ZFR: variants seen among roughly 807,000 people sequenced by gnomAD.
ZFR encodes the protein zinc finger RNA binding protein.
In ZFR, 19 loss-of-function variants were observed where a neutral mutation model predicts 130.7. The observed-to-expected ratio is 0.15, with a 90% CI of 0.10 to 0.21. ZFR has a LOEUF of 0.21. Ranked by LOEUF, ZFR falls within the 10% of genes least tolerant of loss-of-function variation. The pLI, the probability that ZFR is intolerant of heterozygous loss-of-function variation, is 1.00. For missense variants in ZFR, 872 were observed against 1,321.5 expected, an observed-to-expected ratio of 0.66 and a Z score of 5.27; for synonymous variants, 466 against 456.9, an observed-to-expected ratio of 1.02 and a Z score of -0.25.
At position 32,355,756 on chromosome 5, in the gene ZFR, C is replaced by A. The variant is rs1390365561; in HGVS notation, c.*4G>T. 4 of 1,571,472 alleles carry A rather than the reference C, an allele frequency of 2.5e-6. No individual in the cohort carries two copies. In the South Asian group the frequency reaches 3.6e-5, roughly 14 times the overall value. ...TTTTAACACTGAAGATTTACAGACA[C>A]TTTTTAAAAGTTATCATAATCTTTT... On this transcript the variant is annotated 3_prime_UTR_variant, in exon 20 of 20. Transcript: ENST00000265069.
chr5:32,356,694 C>T (rs1362080258), intron 19 of ZFR, among the ~76,000 whole-genome samples: 3 of 151,820 alleles, frequency 2.0e-5, no homozygotes, highest in Non-Finnish European at 4.4e-5. Flanking sequence ...TCTGGGATTA[C>T]AGGCGTGAGC....
chr5:32,428,005 A>T (rs1241552900), intron 2 of ZFR, among the ~76,000 whole-genome samples: 1 of 152,268 alleles, frequency 6.6e-6, no homozygotes, highest in Non-Finnish European at 1.5e-5. Flanking sequence ...CTAAAACTAT[A>T]CAACTCTTAG....
At chr5:32,444,051 C>CGGGCA (rs1218355659) in intron 2 of ZFR, among the ~76,000 whole-genome samples, 178 bp downstream of exon 2, 17 of 128,612 alleles carry the variant, frequency 1.3e-4, no homozygotes, top group Non-Finnish European at 2.7e-4. Flanking sequence ...CGGGCCGGGC[C>CGGGCA]GGGCAAGGCG....
intron 5 of ZFR, among the ~76,000 whole-genome samples, chr5:32,412,092 A>T (rs1248076270): frequency 6.6e-6 from 1 of 152,224 alleles, no homozygotes; most frequent in Non-Finnish European, 1.5e-5. Flanking sequence ...TTTTCAAAGG[A>T]TCTACCACCA....
At chr5:32,413,243 A>C (rs1205558942) in intron 5 of ZFR, among the ~76,000 whole-genome samples, 2 of 151,956 alleles carry the variant, frequency 1.3e-5, no homozygotes, top group Admixed American at 1.3e-4. Flanking sequence ...CAAAACAAAA[A>C]AAACCTGATA....
At chr5:32,444,104 G>A (rs945998714) in intron 2 of ZFR, 125 bp downstream of exon 2, 10 of 995,666 alleles carry the variant, frequency 1.0e-5, no homozygotes, top group Non-Finnish European at 1.3e-5. Flanking sequence ...GGGCTGGGCC[G>A]GGCCAGGCCT....
chr5:32,416,448 C>T (rs757814236), intron 4 of ZFR, among the ~76,000 whole-genome samples: 2 of 151,948 alleles, frequency 1.3e-5, no homozygotes, highest in Non-Finnish European at 2.9e-5. Flanking sequence ...AACCCTGTCT[C>T]TACTAAAAAT....
chr5:32,395,274 C>T lies in ZFR; in HGVS notation c.1864G>A (p.Val622Ile), dbSNP rs1157940934. The T allele has an allele frequency of 4.4e-6, 7 of 1,594,222 alleles. No individual in the cohort carries two copies. The stretch of plus-strand genomic sequence containing the variant: ...TTTCTTGCTCGAATACTAGGCTTTA[C>T]TTCTACTTGCAAATCTGGATTTACT... The part of the protein sequence containing the change: ...KKVNPDLQVE[V>I]KPSIRARKIQ... The change falls in exon 11 of 20, where the codon GTA becomes ATA. Residue 622 changes from valine to isoleucine, a missense_variant. Around this residue, in one of 7 missense-constraint regions of ZFR, gnomAD observed 54 missense variants for 119.9 expected, o/e 0.45. Transcript: ENST00000265069.
chr5:32,388,168 C>T (rs2111730666), intron 13 of ZFR, among the ~76,000 whole-genome samples: 1 of 152,190 alleles, frequency 6.6e-6, no homozygotes, highest in Admixed American at 6.5e-5. Context: ...CAAATAAGAA[C>T]AGAAAAACAG....
chr5:32,391,561 T>C lies in ZFR; in HGVS notation c.1980-1124A>G, dbSNP rs140780710. 7.8e-3 allele frequency among the ~76,000 whole-genome samples: 1,162 copies of C among 149,148 alleles called. 16 individuals are homozygous for C. Among genetic ancestry groups the C allele is most frequent in the African/African-American group, 0.027 (1,095 of 40,660 alleles). On this transcript the variant is annotated intron_variant, in intron 11 of 19. Transcript: ENST00000265069. ...TTTTTTTTTACCATCTCCTCCCCTC[T>C]GCCCTCCCAGTTCTTTCCTCATTTT...
At chr5:32,379,427 T>A in intron 16 of ZFR, 1 of 544,084 alleles carries the variant, frequency 1.8e-6, no homozygotes, top group Non-Finnish European at 3.3e-6. Flanking sequence ...AAACAGATTA[T>A]ACAAGAATAA....
At position 32,404,100 on chromosome 5, in the gene ZFR, G is replaced by A; in HGVS notation, c.1033-3C>T. 6.3e-7 allele frequency: 1 copy of A among 1,579,162 alleles called. No individual in the cohort carries two copies. The highest frequency in any genetic ancestry group is 1.4e-5 in the African/African-American group (1 of 72,770). On this transcript the variant is annotated splice_region_variant and splice_polypyrimidine_tract_variant and intron_variant, in intron 6 of 19. Coordinates refer to ENST00000265069, the MANE Select transcript of ZFR (RefSeq NM_016107.5). Reference sequence around the variant, plus strand: ...CCTTCTAAATGTTCTTTATAAGTCTGTTTCAAATAAAAAGGAAACATTTTG... The same window carrying A: ...CCTTCTAAATGTTCTTTATAAGTCTATTTCAAATAAAAAGGAAACATTTTG...
At chr5:32,435,015 C>T (rs1013986371) in intron 2 of ZFR, among the ~76,000 whole-genome samples, 4 of 152,090 alleles carry the variant, frequency 2.6e-5, no homozygotes, top group Admixed American at 2.6e-4. Flanking sequence ...CCTCCCCAGG[C>T]TCCGGTGATC....
chr5:32,379,333 T>G (rs1752889981), intron 16 of ZFR, 123 bp from the exon 17 acceptor site: 7 of 833,838 alleles, frequency 8.4e-6, no homozygotes, highest in Non-Finnish European at 1.2e-5. Context: ...ACAATCACAC[T>G]TAAAATTGGA....
At chr5:32,394,591 T>C (rs564646317) in intron 11 of ZFR, 5 of 152,916 alleles carry the variant, frequency 3.3e-5, no homozygotes, top group African/African-American at 9.6e-5. Context: ...TGGGGAATTA[T>C]TGTTAATGGG....
intron 19 of ZFR, among the ~76,000 whole-genome samples, chr5:32,363,544 C>T (rs1752477894): frequency 6.6e-6 from 1 of 152,108 alleles, no homozygotes; most frequent in African/African-American, 2.4e-5. Flanking sequence ...TTTTTATTTA[C>T]TTTATTTGAC....
chr5:32,382,816 G>A (rs1752961702), intron 15 of ZFR, among the ~76,000 whole-genome samples: 1 of 152,068 alleles, frequency 6.6e-6, no homozygotes, highest in Non-Finnish European at 1.5e-5. Context: ...GCTATAAGTA[G>A]AAAATTTTTG....
At chr5:32,418,754 C>G (rs533967763) in intron 3 of ZFR, among the ~76,000 whole-genome samples, 82 of 152,186 alleles carry the variant, frequency 5.4e-4, no homozygotes, top group Non-Finnish European at 9.9e-4. Context: ...GCATAAATTT[C>G]TATGCTTTAG....
Position 32,388,511 on chromosome 5 carries a change from T to C in ZFR, c.2306A>G (p.Lys769Arg). Residue 769 changes from lysine to arginine, a missense_variant, in exon 13 of 20, where the codon AAG (lysine) becomes AGG (arginine). Around this residue, in one of 7 missense-constraint regions of ZFR, gnomAD observed 225 missense variants for 282.4 expected, o/e 0.80. Transcript: ENST00000265069. ...TTTCTTATCATCTCCCTCTTTGTTCTTGTTCTTCTCATGTTCAGACAAACT... is the reference window on the plus strand; with the variant it reads ...TTTCTTATCATCTCCCTCTTTGTTCCTGTTCTTCTCATGTTCAGACAAACT... ...SDSLSEHEKN[K>R]NKEGDDKKEG... 3 of 1,614,072 alleles carry C rather than the reference T, an allele frequency of 1.9e-6. No homozygotes were observed. The highest frequency in any genetic ancestry group is 1.1e-5 in the South Asian group (1 of 91,078).
Sources: gnomAD v4.1 joint callset for allele counts (sites outside exome capture counted in the v4.1 genomes callset) on GRCh38, gnomAD v4.1.1 for gene constraint, gnomAD v4.1.1 regional missense constraint, MANE v1.5 for transcripts, NCBI Gene and HGNC (gene_info 2026-07-23, HGNC 2026-07-21) for gene names.